The following NKD1 variants were observed in gnomAD, a reference collection of about 807,000 sequenced individuals.
NKD1 encodes NKD inhibitor of Wnt signaling pathway 1, also known as protein naked cuticle homolog 1.
A neutral mutation model predicts 56.0 loss-of-function variants in NKD1; 21 were observed. The ratio of observed to expected loss-of-function variants is 0.38; its 90% CI spans 0.27 to 0.54. The LOEUF (loss-of-function observed/expected upper bound fraction) is 0.54, where lower values mean the gene tolerates loss of function less well. Ranked by LOEUF, NKD1 falls within the 20% of genes least tolerant of loss-of-function variation. NKD1 has a pLI of 0.82. For synonymous variants in NKD1, 263 were observed against 265.7 expected, an observed-to-expected ratio of 0.99 and a Z score of 0.10; for missense variants, 578 against 642.7, an observed-to-expected ratio of 0.90 and a Z score of 1.09.
At chr16:50,621,817 C>T (rs1962097573) in intron 5 of NKD1, 109 bp downstream of exon 5, 1 of 773,654 alleles carries the variant, frequency 1.3e-6, no homozygotes, top group Non-Finnish European at 2.1e-6. Flanking sequence ...GGCCCCTCCC[C>T]TGCATGAACA....
At chr16:50,580,485 A>G (rs776931620) in intron 3 of NKD1, among the ~76,000 whole-genome samples, 19 of 152,254 alleles carry the variant, frequency 1.2e-4, no homozygotes, top group Admixed American at 1.2e-3. Context: ...ACTCAAGAGA[A>G]TAAGGGTACT....
chr16:50,576,164 C>T (rs1328907309), intron 3 of NKD1, among the ~76,000 whole-genome samples: 1 of 152,142 alleles, frequency 6.6e-6, no homozygotes, highest in African/African-American at 2.4e-5. Context: ...TGCTAGTTTG[C>T]CCTTACTCTC....
rs553325448 is a variant in NKD1 at position 50,619,563 on chromosome 16, TCA to T, written c.260-2038_260-2037del. 3.6e-3 allele frequency among the ~76,000 whole-genome samples: 544 copies of T among 152,308 alleles called. 6 individuals are homozygous for T. The highest frequency in any genetic ancestry group is 2.5e-3 in the Non-Finnish European group (172 of 68,018). ...TGTGTCCATTTGCATTCGTGAAGCC[TCA>T]GTTTTGAGAAAACTTAGCTGCTAAC... On this transcript the variant is annotated intron_variant, in intron 4 of 9. Transcript: ENST00000268459.
At position 50,632,205 on chromosome 16, in the gene NKD1, G is replaced by C; in HGVS notation, c.696-76G>C. On this transcript the variant is annotated intron_variant, in intron 8 of 9. Coordinates refer to ENST00000268459, the MANE Select transcript of NKD1 (RefSeq NM_033119.5). This position sits in a 1 kb window ranked among gnomAD's most constrained non-coding sequence, Gnocchi z 4.1. ...TGAAGGGTCCAGAGTTCATTCTGGGGGCTTCCTAGTAGCCTATGCGCTTGC... is the reference window on the plus strand; with the variant it reads ...TGAAGGGTCCAGAGTTCATTCTGGGCGCTTCCTAGTAGCCTATGCGCTTGC... 6.9e-7 allele frequency: 1 copy of C among 1,443,450 alleles called. No individual in the cohort carries two copies. The highest frequency in any genetic ancestry group is 9.6e-7 in the Non-Finnish European group (1 of 1,036,460). 89.4% of individuals were successfully genotyped at this position (1,443,450 alleles called of 1,614,324 possible).
intron 3 of NKD1, chr16:50,557,770 G>T (rs1439975557): frequency 1.3e-5 from 2 of 152,246 alleles, no homozygotes; most frequent in African/African-American, 4.8e-5. Flanking sequence ...TTTGCATGAA[G>T]TACTCAGTGC....
chr16:50,580,769 A>G (rs925368099), intron 3 of NKD1, among the ~76,000 whole-genome samples: 3 of 152,202 alleles, frequency 2.0e-5, no homozygotes, highest in Non-Finnish European at 2.9e-5. Context: ...TAGCCTGGCA[A>G]TATTCAAGTG....
intron 3 of NKD1, chr16:50,571,066 G>T (rs1205803951): frequency 2.2e-6 from 2 of 912,294 alleles, no homozygotes; most frequent in Non-Finnish European, 2.6e-6. Flanking sequence ...CCCTGGGGCT[G>T]CCTTTGAAGG....
chr16:50,604,352 C>T (rs1961659469), intron 3 of NKD1, among the ~76,000 whole-genome samples: 1 of 152,198 alleles, frequency 6.6e-6, no homozygotes, highest in South Asian at 2.1e-4. Context: ...AACAAGTGTT[C>T]TGGGCAGGAT....
chr16:50,557,369 G>A (rs1318520550), intron 3 of NKD1: 1 of 152,186 alleles, frequency 6.6e-6, no homozygotes, highest in East Asian at 1.9e-4. Flanking sequence ...CATAGTTCTT[G>A]CCTCTGTGAG....
At position 50,623,013 on chromosome 16, in the gene NKD1, G is replaced by A. The variant is rs765952774; in HGVS notation, c.366+1305G>A. ...GATAGAGACTGGGGAGGTGGGTGAG[G>A]CTCTGAGCATAGGGGTAGGAGTTGG... On this transcript the variant is annotated intron_variant, in intron 5 of 9. Coordinates refer to ENST00000268459, the MANE Select transcript of NKD1 (RefSeq NM_033119.5). This position sits in a 1 kb window ranked among gnomAD's most constrained non-coding sequence, Gnocchi z 4.1. Among the ~76,000 whole-genome samples the A allele has an allele frequency of 6.6e-6, 1 of 152,072 alleles. No homozygotes were observed. Among genetic ancestry groups the A allele is most frequent in the Admixed American group, 6.5e-5 (1 of 15,284 alleles).
At chr16:50,553,282 T>G (rs1960430229) in intron 3 of NKD1, among the ~76,000 whole-genome samples, 1 of 152,242 alleles carries the variant, frequency 6.6e-6, no homozygotes, top group African/African-American at 2.4e-5. Flanking sequence ...CACAGGCTGA[T>G]TGTGAATATG....
intron 3 of NKD1, chr16:50,557,387 C>T (rs1173875241): frequency 6.6e-6 from 1 of 152,200 alleles, no homozygotes; most frequent in Non-Finnish European, 1.5e-5. Context: ...GAGAGTGGAA[C>T]TAAGCTCTCC....
At chr16:50,584,209 G>A (rs1456823468) in intron 3 of NKD1, among the ~76,000 whole-genome samples, 1 of 152,190 alleles carries the variant, frequency 6.6e-6, no homozygotes, top group Non-Finnish European at 1.5e-5. Context: ...TGTTGTGTAT[G>A]TCCTATCCCT....
chr16:50,612,975 A>G (rs61058343), intron 4 of NKD1, among the ~76,000 whole-genome samples: 2,441 of 151,848 alleles, frequency 0.016, 76 homozygotes, highest in African/African-American at 0.056. Flanking sequence ...GCGAGAGGAG[A>G]TGGTGCTGGC....
At chr16:50,596,790 A>C (rs978741800) in intron 3 of NKD1, among the ~76,000 whole-genome samples, 2 of 152,198 alleles carry the variant, frequency 1.3e-5, no homozygotes, top group Admixed American at 6.5e-5. Context: ...TTAAATAAAG[A>C]GATTTGGGAA....
In NKD1 at chr16:50,636,121, A is replaced by G. The variant is rs567868601; in HGVS notation, c.*2340A>G. On this transcript the variant is annotated 3_prime_UTR_variant, in exon 10 of 10. Transcript: ENST00000268459. ...GCTTCGATCTGGTACCCATAGCTGG[A>G]CCAATCATGACATCCCAGATGGGGT... The G allele has an allele frequency of 5.9e-5, 9 of 152,386 alleles. No homozygotes were observed. Among genetic ancestry groups the G allele is most frequent in the African/African-American group, 2.2e-4 (9 of 41,550 alleles). The allele number at this position is 152,386 out of a possible 1,614,324, so 9.4% of individuals were successfully genotyped here. A position where few individuals can be genotyped will look rare whatever the true frequency, so the allele number is the denominator to read the frequency against.
At chr16:50,572,208 G>T (rs994302989) in intron 3 of NKD1, among the ~76,000 whole-genome samples, 6 of 152,200 alleles carry the variant, frequency 3.9e-5, no homozygotes, top group Non-Finnish European at 7.3e-5. Flanking sequence ...TCATGTGGCA[G>T]TTGAGTTACT....
chr16:50,620,296 T>C (rs899227894), intron 4 of NKD1, among the ~76,000 whole-genome samples: 7 of 152,230 alleles, frequency 4.6e-5, no homozygotes, highest in African/African-American at 1.7e-4. Context: ...GGGACTGCCC[T>C]TGGGTCCTTG....
chr16:50,616,033 G>T, intron 4 of NKD1: 1 of 454,548 alleles, frequency 2.2e-6, no homozygotes, highest in South Asian at 1.6e-5. Flanking sequence ...AAATTCATCT[G>T]CATTCCCTCG....
Sources: allele counts gnomAD v4.1 joint callset (sites outside exome capture counted in the v4.1 genomes callset), GRCh38; gene constraint gnomAD v4.1.1; non-coding constraint Gnocchi (gnomAD v3.1); transcripts MANE v1.5; gene names NCBI Gene and HGNC (gene_info 2026-07-23, HGNC 2026-07-21).